The following FKTN variants were observed in gnomAD, a reference collection of about 807,000 sequenced individuals.
FKTN encodes the protein ribitol-5-phosphate transferase FKTN.
A neutral mutation model predicts 58.6 loss-of-function variants in FKTN; 47 were observed. The observed-to-expected ratio is 0.80, with a 90% CI of 0.63 to 1.02. The LOEUF (loss-of-function observed/expected upper bound fraction) is 1.02. Ranked by LOEUF, FKTN falls within the 50% of genes least tolerant of loss-of-function variation. The pLI is 0.00. For synonymous variants in FKTN, 178 were observed against 191.9 expected, an observed-to-expected ratio of 0.93 and a Z score of 0.60; for missense variants, 516 against 537.3, an observed-to-expected ratio of 0.96 and a Z score of 0.39.
chr9:105,619,129 T>C (rs1007821180), intron 9 of FKTN, among the ~76,000 whole-genome samples: 4 of 152,028 alleles, frequency 2.6e-5, no homozygotes, highest in Non-Finnish European at 5.9e-5. Context: ...TTTATGTTAC[T>C]AAAAAATATA....
chr9:105,575,298 T>G (rs1841469190), intron 3 of FKTN, among the ~76,000 whole-genome samples, 161 bp downstream of exon 3: 1 of 152,230 alleles, frequency 6.6e-6, no homozygotes. Flanking sequence ...AATATACTTG[T>G]AATAGCACAC....
chr9:105,604,954 T>TAA lies in FKTN; in HGVS notation c.647+462_647+463insAA, dbSNP rs1564294000. 3.8e-5 allele frequency among the ~76,000 whole-genome samples: 5 copies of TAA among 132,206 alleles called. 1 individual carries two copies. The highest frequency in any genetic ancestry group is 3.2e-5 in the Non-Finnish European group (2 of 61,812). The allele number at this position is 132,206 out of a possible 152,430, so 86.7% of individuals were successfully genotyped here. A position where few individuals can be genotyped will look rare whatever the true frequency, so the allele number is the denominator to read the frequency against. On this transcript the variant is annotated intron_variant, in intron 6 of 10. Coordinates refer to ENST00000357998, the MANE Select transcript of FKTN (RefSeq NM_001079802.2). ...CTGGGCAACAGAGCAGGACTTTGTC[T>TAA]CAAAAAAAAAAAAAAAACTGTAAAG...
At chr9:105,594,685 G>C (rs1277124382) in intron 3 of FKTN, among the ~76,000 whole-genome samples, 2 of 152,198 alleles carry the variant, frequency 1.3e-5, no homozygotes, top group African/African-American at 4.8e-5. Flanking sequence ...GGTTGAGGCT[G>C]CAGTGAGCCG....
intron 3 of FKTN, among the ~76,000 whole-genome samples, chr9:105,585,999 T>C (rs952800805): frequency 1.3e-5 from 2 of 152,198 alleles, no homozygotes; most frequent in Admixed American, 1.3e-4. Context: ...TAGCAGTAAA[T>C]GCCTGCAGCA....
intron 10 of FKTN, among the ~76,000 whole-genome samples, chr9:105,620,827 A>G (rs1831788666): frequency 7.9e-6 from 1 of 127,214 alleles, no homozygotes; most frequent in South Asian, 2.4e-4. Context: ...GTAGTAAAGA[A>G]AACTATTTCT....
At chr9:105,586,651 A>G (rs1370013159) in intron 3 of FKTN, among the ~76,000 whole-genome samples, 3 of 152,176 alleles carry the variant, frequency 2.0e-5, no homozygotes, top group Admixed American at 2.0e-4. Flanking sequence ...TCCTCATGCA[A>G]TTGTTTGGCT....
intron 10 of FKTN, among the ~76,000 whole-genome samples, chr9:105,624,857 G>A (rs761060506): frequency 6.6e-6 from 1 of 152,146 alleles, no homozygotes; most frequent in Non-Finnish European, 1.5e-5. Flanking sequence ...TTAGCTGAGT[G>A]AGCCCAGGAA....
chr9:105,592,809 G>T (rs1845139525), intron 3 of FKTN, among the ~76,000 whole-genome samples: 1 of 152,176 alleles, frequency 6.6e-6, no homozygotes, highest in Admixed American at 6.5e-5. Flanking sequence ...TTCCATCTGA[G>T]ACTTCCTTAG....
intron 6 of FKTN, among the ~76,000 whole-genome samples, chr9:105,605,131 T>A (rs538443125): frequency 3.4e-4 from 51 of 152,128 alleles, no homozygotes; most frequent in African/African-American, 8.9e-4. Context: ...TATTATTATT[T>A]TTTTCCATTC....
chr9:105,592,989 A>G (rs1232263388), intron 3 of FKTN, among the ~76,000 whole-genome samples: 1 of 152,192 alleles, frequency 6.6e-6, no homozygotes, highest in Non-Finnish European at 1.5e-5. Flanking sequence ...CAGACACCTT[A>G]CAGCAACACT....
Position 105,604,347 on chromosome 9 carries a change from A to G in FKTN, c.502A>G (p.Thr168Ala). 3 of 1,614,118 alleles carry G rather than the reference A, an allele frequency of 1.9e-6. No homozygotes were observed. Among genetic ancestry groups the G allele is most frequent in the African/African-American group, 1.3e-5 (1 of 75,034 alleles). Residue 168 changes from threonine to alanine, a missense_variant, in exon 6 of 11, where the codon ACT (threonine) becomes GCT (alanine). By Grantham distance (58) the Thr-to-Ala change is moderately conservative. Coordinates refer to ENST00000357998, the MANE Select transcript of FKTN (RefSeq NM_001079802.2). ...CCTGCACTATATCTGCAAACTGGCC[A>G]CTCATGCGATCCACTTGGTAGTCTT... is the stretch of plus-strand genomic sequence containing the variant. Reference protein sequence around the residue: ...IPLHYICKLATHAIHLVVFHE... With the variant: ...IPLHYICKLAAHAIHLVVFHE...
chr9:105,611,930 T>A (rs1829998735), intron 7 of FKTN, among the ~76,000 whole-genome samples: 1 of 152,206 alleles, frequency 6.6e-6, no homozygotes, highest in South Asian at 2.1e-4. Context: ...CACCACACTG[T>A]CTTCCACAAT....
At chr9:105,585,357 T>C (rs1230102778) in intron 3 of FKTN, among the ~76,000 whole-genome samples, 1 of 152,054 alleles carries the variant, frequency 6.6e-6, no homozygotes, top group Non-Finnish European at 1.5e-5. Flanking sequence ...GCCCAGGAGT[T>C]TGAGTTTACA....
At chr9:105,585,661 GAACC>G (rs1450489634) in intron 3 of FKTN, among the ~76,000 whole-genome samples, 5 of 152,206 alleles carry the variant, frequency 3.3e-5, no homozygotes, top group Non-Finnish European at 5.9e-5. Context: ...CATAGGAAGA[GAACC>G]TGAACTATTG....
intron 7 of FKTN, 109 bp downstream of exon 7, chr9:105,608,060 A>G: frequency 1.1e-6 from 1 of 899,358 alleles, no homozygotes; most frequent in African/African-American, 1.7e-5. Flanking sequence ...AAAAGTAAAC[A>G]TCCTTTTTTG....
At chr9:105,561,524 C>T (rs2131652815) in intron 1 of FKTN, among the ~76,000 whole-genome samples, 1 of 152,308 alleles carries the variant, frequency 6.6e-6, no homozygotes, top group South Asian at 2.1e-4. Context: ...CACCTTCCTT[C>T]CTGCTAACCT....
intron 7 of FKTN, among the ~76,000 whole-genome samples, chr9:105,612,013 G>A (rs1830013374): frequency 6.6e-6 from 1 of 150,614 alleles, no homozygotes; most frequent in Admixed American, 6.6e-5. Context: ...CCAATATCTG[G>A]GGTTTATTTT....
At chr9:105,617,857 T>TAA in intron 8 of FKTN, 102 bp from the exon 9 acceptor site, 1 of 758,640 alleles carries the variant, frequency 1.3e-6, no homozygotes, top group Non-Finnish European at 2.1e-6. Context: ...TCTGTCTCTT[T>TAA]AAAAAAAAAG....
chr9:105,573,444 C>T (rs1841127198), intron 1 of FKTN, among the ~76,000 whole-genome samples: 1 of 151,978 alleles, frequency 6.6e-6, no homozygotes, highest in Non-Finnish European at 1.5e-5. Context: ...GGCAACATAG[C>T]AAGACCCTGT....
Sources: allele counts gnomAD v4.1 joint callset (sites outside exome capture counted in the v4.1 genomes callset), GRCh38; gene constraint gnomAD v4.1.1; transcripts MANE v1.5; gene names NCBI Gene and HGNC (gene_info 2026-07-23, HGNC 2026-07-21).